Variants in WDR27 observed in about 807,000 individuals in gnomAD.
WDR27 encodes the protein WD repeat domain 27.
A neutral mutation model predicts 114.4 loss-of-function variants in WDR27; 100 were observed. The observed-to-expected ratio is 0.87, with a 90% CI of 0.74 to 1.03. The LOEUF (loss-of-function observed/expected upper bound fraction) is 1.03. WDR27 is among the 50% of genes least tolerant of loss of function. WDR27 has a pLI of 0.00. For synonymous variants in WDR27, 449 were observed against 423.1 expected, an observed-to-expected ratio of 1.06 and a Z score of -0.75; for missense variants, 1,129 against 1,092.9, an observed-to-expected ratio of 1.03 and a Z score of -0.47.
intron 6 of WDR27, chr6:169,666,290 C>G: frequency 1.4e-6 from 1 of 716,502 alleles, no homozygotes; most frequent in Non-Finnish European, 1.7e-6. Context: ...CATTACAGCA[C>G]CATAGTCCAC....
intron 25 of WDR27, among the ~76,000 whole-genome samples, chr6:169,554,893 G>A (rs1798659238): frequency 6.6e-6 from 1 of 152,148 alleles, no homozygotes; most frequent in African/African-American, 2.4e-5. Context: ...CTGTGTGGTA[G>A]ATGTATATTT....
At chr6:169,526,785 A>G (rs1383692015) in intron 25 of WDR27, among the ~76,000 whole-genome samples, 1 of 152,240 alleles carries the variant, frequency 6.6e-6, no homozygotes, top group African/African-American at 2.4e-5. Context: ...TTCAGAATAA[A>G]TAAAGAATGA....
intron 22 of WDR27, among the ~76,000 whole-genome samples, chr6:169,608,612 T>A (rs1468299616): frequency 6.6e-6 from 1 of 152,182 alleles, no homozygotes; most frequent in Non-Finnish European, 1.5e-5. Flanking sequence ...CATGATTCAA[T>A]TATTTCCAAC....
At chr6:169,584,974 T>C (rs1302710135) in intron 23 of WDR27, among the ~76,000 whole-genome samples, 1 of 152,162 alleles carries the variant, frequency 6.6e-6, no homozygotes, top group Non-Finnish European at 1.5e-5. Context: ...ACAGACCAAT[T>C]AGACAGAGTA....
chr6:169,642,532 G>C (rs1819487137), intron 17 of WDR27, among the ~76,000 whole-genome samples: 1 of 152,164 alleles, frequency 6.6e-6, no homozygotes, highest in African/African-American at 2.4e-5. Flanking sequence ...TATGAGGTGG[G>C]ACCAGGAGCA....
intron 21 of WDR27, among the ~76,000 whole-genome samples, chr6:169,632,023 A>G (rs1002308174): frequency 6.6e-6 from 1 of 151,836 alleles, no homozygotes; most frequent in Non-Finnish European, 1.5e-5. Context: ...CATCTCTACT[A>G]AAAATACAAA....
intron 23 of WDR27, among the ~76,000 whole-genome samples, chr6:169,591,427 A>G (rs2128154864): frequency 6.6e-6 from 1 of 152,322 alleles, no homozygotes; most frequent in South Asian, 2.1e-4. Context: ...CAATTCTCTA[A>G]GAAATAACTT....
intron 25 of WDR27, among the ~76,000 whole-genome samples, chr6:169,543,447 T>C (rs1348807285): frequency 1.3e-5 from 2 of 152,142 alleles, no homozygotes; most frequent in Non-Finnish European, 2.9e-5. Context: ...ATGTGGGTCT[T>C]TTCTACCAAT....
intron 25 of WDR27, among the ~76,000 whole-genome samples, chr6:169,549,260 A>G (rs1213076204): frequency 6.6e-6 from 1 of 152,260 alleles, no homozygotes; most frequent in Non-Finnish European, 1.5e-5. Context: ...CCGATGGCAA[A>G]TAAGCATATA....
At chr6:169,554,286 G>C (rs1490592405) in intron 25 of WDR27, among the ~76,000 whole-genome samples, 1 of 152,108 alleles carries the variant, frequency 6.6e-6, no homozygotes, top group Non-Finnish European at 1.5e-5. Context: ...GCTGCAGTCG[G>C]GCACAAGTGC....
intron 23 of WDR27, 128 bp from the exon 24 acceptor site, chr6:169,583,062 G>T: frequency 2.8e-6 from 2 of 719,926 alleles, no homozygotes; most frequent in Non-Finnish European, 4.7e-6. Flanking sequence ...CAACCAAGAT[G>T]CCTGACAAAA....
chr6:169,467,688 C>T (rs1785780082), intron 25 of WDR27, among the ~76,000 whole-genome samples: 1 of 152,238 alleles, frequency 6.6e-6, no homozygotes, highest in Non-Finnish European at 1.5e-5. Context: ...CTCCTAGGCC[C>T]TTGGGCCTGT....
chr6:169,502,885 A>G (rs16888074), intron 25 of WDR27, among the ~76,000 whole-genome samples: 1 of 152,006 alleles, frequency 6.6e-6, no homozygotes, highest in Non-Finnish European at 1.5e-5. Flanking sequence ...AGATTCGAGT[A>G]GATGGATTTG....
At chr6:169,570,877 A>G (rs1801300099) in intron 25 of WDR27, among the ~76,000 whole-genome samples, 2 of 152,212 alleles carry the variant, frequency 1.3e-5, no homozygotes, top group African/African-American at 4.8e-5. Flanking sequence ...CTCATAAGAC[A>G]GGACGCAGGC....
intron 16 of WDR27, among the ~76,000 whole-genome samples, chr6:169,647,490 C>A (rs1428663334): frequency 6.6e-6 from 1 of 152,190 alleles, no homozygotes; most frequent in Non-Finnish European, 1.5e-5. Context: ...ACAGAGCAAA[C>A]CCCGGAGGAG....
At chr6:169,647,929 A>T in intron 15 of WDR27, 59 bp from the exon 16 acceptor site, 1 of 1,282,764 alleles carries the variant, frequency 7.8e-7, no homozygotes, top group Non-Finnish European at 1.1e-6. Flanking sequence ...ATTAGAAGTA[A>T]AACATAAGCA....
the WDR27 span, among the ~76,000 whole-genome samples, chr6:169,430,570 A>G: frequency 3.0e-4 from 46 of 152,216 alleles, no homozygotes; most frequent in Non-Finnish European, 2.8e-4. Flanking sequence ...GGGAAGTTCA[A>G]ATGGAAAGCT....
chr6:169,511,694 CA>C (rs199886100), intron 25 of WDR27, among the ~76,000 whole-genome samples: 76 of 148,798 alleles, frequency 5.1e-4, no homozygotes, highest in African/African-American at 1.8e-3. Context: ...TGGCCTTTTA[CA>C]AAAAAAAAAT....
At chr6:169,633,989 A>T (rs1254241491) in intron 20 of WDR27, among the ~76,000 whole-genome samples, 1 of 152,222 alleles carries the variant, frequency 6.6e-6, no homozygotes, top group Non-Finnish European at 1.5e-5. Flanking sequence ...AAATAAATTA[A>T]AATCAACTTT....
Sources: gnomAD v4.1 joint callset for allele counts (sites outside exome capture counted in the v4.1 genomes callset) on GRCh38, gnomAD v4.1.1 for gene constraint, MANE v1.5 for transcripts, NCBI Gene and HGNC (gene_info 2026-07-23, HGNC 2026-07-21) for gene names.